ENTPD5: variants seen among roughly 807,000 people sequenced by gnomAD.
ENTPD5 encodes the protein ectonucleoside triphosphate diphosphohydrolase 5 (inactive), also known as nucleoside diphosphate phosphatase ENTPD5.
Under a neutral mutation model 60.2 loss-of-function variants are expected in ENTPD5, and 49 were observed. That is an observed-to-expected ratio of 0.81 (90% CI 0.65 to 1.03). The LOEUF (loss-of-function observed/expected upper bound fraction) is 1.03. Among genes scored for constraint, ENTPD5 ranks in the 50% least tolerant of loss-of-function variants. The probability of loss-of-function intolerance (pLI) is 0.00; values close to 1 mark genes in which losing one functional copy is unlikely to be tolerated. For synonymous variants in ENTPD5, 187 were observed against 185.4 expected (o/e 1.01, Z -0.07); for missense variants, 480 against 507.6 (o/e 0.95, Z 0.52).
downstream of ENTPD5, chr14:73,961,371 A>G (rs1398064163): frequency 3.1e-6 from 5 of 1,614,148 alleles, no homozygotes; most frequent in Non-Finnish European, 4.2e-6. Flanking sequence ...GGTGGCGCTC[A>G]TTGGGTAAGA....
chr14:73,980,474 G>A (rs1267140549), intron 6 of ENTPD5, among the ~76,000 whole-genome samples: 13 of 152,054 alleles, frequency 8.5e-5, no homozygotes, highest in African/African-American at 3.1e-4. Flanking sequence ...ATGTTGGCCA[G>A]GCTGGTCTCA....
intron 3 of ENTPD5, among the ~76,000 whole-genome samples, chr14:73,994,136 T>C (rs2058250054): frequency 6.6e-6 from 1 of 152,182 alleles, no homozygotes; most frequent in South Asian, 2.1e-4. Flanking sequence ...ACTTTATTTA[T>C]TTATTTTGAG....
intron 6 of ENTPD5, among the ~76,000 whole-genome samples, chr14:73,980,181 A>C (rs1045541779): frequency 6.7e-6 from 1 of 149,496 alleles, no homozygotes; most frequent in African/African-American, 2.5e-5. Context: ...TCCTGACCTC[A>C]GGTGATCCGC....
At chr14:74,007,247 C>A (rs979567095) in intron 3 of ENTPD5, among the ~76,000 whole-genome samples, 1 of 152,052 alleles carries the variant, frequency 6.6e-6, no homozygotes, top group African/African-American at 2.4e-5. Context: ...TATGGCCGGG[C>A]GCGGTGGCTC....
intron 3 of ENTPD5, among the ~76,000 whole-genome samples, chr14:74,001,806 C>T (rs564015456): frequency 2.0e-5 from 3 of 151,206 alleles, no homozygotes; most frequent in Admixed American, 6.6e-5. Flanking sequence ...TGTGATTGCA[C>T]GGCACCACTG....
chr14:73,990,861 T>A (rs2058100776), intron 3 of ENTPD5, among the ~76,000 whole-genome samples: 1 of 151,474 alleles, frequency 6.6e-6, no homozygotes, highest in Non-Finnish European at 1.5e-5. Context: ...AAACCCCATC[T>A]CTACTAAAAA....
chr14:73,975,447 C>T lies in ENTPD5; in HGVS notation c.723-462G>A, dbSNP rs1270691425. ...TGAGACTGAGTCTTGCTCTGTCGCT[C>T]CGGCTGAAGTGCAGTGGTGTGATCT... On this transcript the variant is annotated intron_variant, in intron 10 of 15. Coordinates refer to ENST00000334696, the MANE Select transcript of ENTPD5 (RefSeq NM_001249.5). Among the ~76,000 whole-genome samples, 4 of 148,858 alleles carry T rather than the reference C, an allele frequency of 2.7e-5. No individual in the cohort carries two copies. In the Admixed American group the frequency reaches 2.7e-4, roughly 10 times the overall value.
rs781127178 is a variant in ENTPD5, at chr14:73,970,014, A to C, written c.1196T>G (p.Leu399Ter). ...DGFGFADSTV[L>*]QLTKKVNNIE... ...CTCTGGTGTCCTGTCTCTTACCTGT[A>C]AGACTGTGCTGTCTGCAAAGCCAAA... The change falls in exon 15 of 16, where the codon TTA (leucine) becomes TGA (stop). Residue 399 changes from leucine (L) to a stop codon, truncating the protein, a stop_gained. Transcript: ENST00000334696. LOFTEE classifies it high-confidence loss of function. 1 of 1,610,192 alleles carries C rather than the reference A, an allele frequency of 6.2e-7. No homozygotes were observed. The highest frequency in any genetic ancestry group is 1.1e-5 in the South Asian group (1 of 91,006).
chr14:73,962,622 G>A (rs2056796854), downstream of ENTPD5: 1 of 223,022 alleles, frequency 4.5e-6, no homozygotes, highest in African/African-American at 2.3e-5. Flanking sequence ...TTTGCTGCTT[G>A]ACTAGTTTCA....
intron 6 of ENTPD5, among the ~76,000 whole-genome samples, chr14:73,980,603 C>T (rs2057645640): frequency 2.0e-5 from 3 of 152,074 alleles, no homozygotes; most frequent in African/African-American, 7.2e-5. Flanking sequence ...GCTTTGTTGT[C>T]TGGACTGGTC....
downstream of ENTPD5, chr14:73,958,450 C>G (rs946898424): frequency 4.1e-6 from 6 of 1,479,130 alleles, no homozygotes; most frequent in Non-Finnish European, 5.4e-6. Flanking sequence ...ATCGTAAATC[C>G]TGTACAGGGA....
In ENTPD5 at chr14:73,971,935, T is replaced by G. The variant is rs1407028387; in HGVS notation, c.1028-27A>C. The G allele has an allele frequency of 2.9e-6, 4 of 1,359,230 alleles. No individual in the cohort carries two copies. In the Admixed American group the frequency reaches 6.7e-5, roughly 23 times the overall value. 84.2% of individuals were successfully genotyped at this position (1,359,230 alleles called of 1,614,324 possible). A position where few individuals can be genotyped will look rare whatever the true frequency, so the allele number is the denominator to read the frequency against. ...TGAAATAAAACAGAAGATTATCTGATATCAAAACGCCTTCAAGGAAGCATA... is the reference window on the plus strand; with the variant it reads ...TGAAATAAAACAGAAGATTATCTGAGATCAAAACGCCTTCAAGGAAGCATA... On this transcript the variant is annotated intron_variant, in intron 13 of 15. Coordinates refer to ENST00000334696, the MANE Select transcript of ENTPD5 (RefSeq NM_001249.5).
At chr14:73,959,432 T>C, downstream of ENTPD5, 1 of 1,614,196 alleles carries the variant, frequency 6.2e-7, no homozygotes, top group South Asian at 1.1e-5. Context: ...ACACCTTGAG[T>C]TCCTTGGTTT....
At chr14:73,959,060 T>C (rs1260406484), downstream of ENTPD5, 2 of 1,614,106 alleles carry the variant, frequency 1.2e-6, no homozygotes, top group Non-Finnish European at 1.7e-6. Flanking sequence ...CTGTTGTGGC[T>C]ACTCTGCATT....
chr14:73,973,198 C>T (rs1321460437), intron 12 of ENTPD5, among the ~76,000 whole-genome samples, 174 bp from the exon 13 acceptor site: 1 of 152,188 alleles, frequency 6.6e-6, no homozygotes, highest in East Asian at 1.9e-4. Flanking sequence ...ACGTCTGCAG[C>T]CTCACCAGTC....
chr14:73,998,391 C>T (rs1302783958), intron 3 of ENTPD5, among the ~76,000 whole-genome samples: 1 of 151,984 alleles, frequency 6.6e-6, no homozygotes, highest in East Asian at 1.9e-4. Flanking sequence ...GCTCCCTGAC[C>T]CCTTCTTTCG....
chr14:73,978,409 G>A (rs2057532847), intron 6 of ENTPD5, among the ~76,000 whole-genome samples: 1 of 151,960 alleles, frequency 6.6e-6, no homozygotes. Flanking sequence ...TTCGAGACCG[G>A]CCTGGCCAAC....
At chr14:73,958,118 T>A, downstream of ENTPD5, 1 of 1,584,160 alleles carries the variant, frequency 6.3e-7, no homozygotes. Flanking sequence ...ACCTTTCTAA[T>A]TTTTTTTCCT....
At chr14:73,987,712 AAAAT>A (rs976752602) in intron 4 of ENTPD5, among the ~76,000 whole-genome samples, 170 bp downstream of exon 4, 15 of 152,162 alleles carry the variant, frequency 9.9e-5, no homozygotes, top group Non-Finnish European at 2.1e-4. Flanking sequence ...CAAATAAATA[AAAAT>A]AAATAAATAA....
Sources: gnomAD v4.1 joint callset for allele counts (sites outside exome capture counted in the v4.1 genomes callset) on GRCh38, gnomAD v4.1.1 for gene constraint, MANE v1.5 for transcripts, NCBI Gene and HGNC (gene_info 2026-07-23, HGNC 2026-07-21) for gene names.